STPG2: variants seen among roughly 807,000 people sequenced by gnomAD.
The protein encoded by STPG2 is sperm tail PG-rich repeat containing 2, also known as sperm-tail PG-rich repeat-containing protein 2.
A neutral mutation model predicts 54.2 loss-of-function variants in STPG2; 56 were observed. The ratio of observed to expected loss-of-function variants is 1.03; its 90% confidence interval spans 0.83 to 1.29. The LOEUF (loss-of-function observed/expected upper bound fraction) is 1.29. Among genes scored for constraint, STPG2 ranks in the 50% most tolerant of loss-of-function variants. The pLI, the probability that STPG2 is intolerant of heterozygous loss-of-function variation, is 0.00. For synonymous variants in STPG2, 200 were observed against 181.8 expected (o/e 1.10, Z -0.81); for missense variants, 596 against 544.9 (o/e 1.09, Z -0.93).
At chr4:97,933,578 A>G (rs1732630987) in intron 8 of STPG2, among the ~76,000 whole-genome samples, 2 of 152,152 alleles carry the variant, frequency 1.3e-5, no homozygotes, top group Admixed American at 1.3e-4. Flanking sequence ...AATTTTCTGT[A>G]TATGGTTGGC....
chr4:97,941,304 T>C (rs1206149015), intron 8 of STPG2, among the ~76,000 whole-genome samples: 1 of 152,116 alleles, frequency 6.6e-6, no homozygotes. Context: ...TAGGTATTTT[T>C]ATATTTATCC....
chr4:97,552,017 G>A (rs1306881240), intron 4 of STPG2, among the ~76,000 whole-genome samples: 1 of 152,064 alleles, frequency 6.6e-6, no homozygotes, highest in East Asian at 1.9e-4. Flanking sequence ...TTCAAAAAGG[G>A]TTGGAGATTG....
intron 7 of STPG2, among the ~76,000 whole-genome samples, chr4:97,961,586 C>A (rs1248810689): frequency 2.0e-5 from 3 of 151,956 alleles, no homozygotes; most frequent in Non-Finnish European, 4.4e-5. Context: ...ATACAAATAG[C>A]CAACAAACAT....
intron 8 of STPG2, among the ~76,000 whole-genome samples, chr4:97,886,089 T>C (rs984243580): frequency 3.9e-5 from 6 of 152,164 alleles, no homozygotes; most frequent in Non-Finnish European, 8.8e-5. Flanking sequence ...ATAGAATACA[T>C]ACTAATACTT....
At chr4:97,514,394 G>T (rs1731033750) in intron 4 of STPG2, among the ~76,000 whole-genome samples, 1 of 152,044 alleles carries the variant, frequency 6.6e-6, no homozygotes, top group Non-Finnish European at 1.5e-5. Context: ...ACTGAGTTGA[G>T]TATTGTCCTC....
At chr4:97,833,560 T>G (rs1292223062) in intron 9 of STPG2, among the ~76,000 whole-genome samples, 2 of 151,944 alleles carry the variant, frequency 1.3e-5, no homozygotes, top group Non-Finnish European at 2.9e-5. Context: ...ATCATCAGAG[T>G]GAACAGGCAA....
intron 6 of STPG2, among the ~76,000 whole-genome samples, chr4:97,980,771 A>G (rs549256863): frequency 1.7e-3 from 265 of 152,346 alleles, no homozygotes; most frequent in Non-Finnish European, 3.1e-3. Context: ...CACTGAGAAT[A>G]CCAGAATACA....
intron 9 of STPG2, among the ~76,000 whole-genome samples, chr4:97,735,830 A>G (rs1163461807): frequency 6.6e-6 from 1 of 152,096 alleles, no homozygotes; most frequent in Non-Finnish European, 1.5e-5. Context: ...TATAAGGAAC[A>G]CATACAACTC....
intron 10 of STPG2, among the ~76,000 whole-genome samples, chr4:97,565,845 T>TGG (rs138972348): frequency 1.3e-5 from 2 of 151,778 alleles, no homozygotes; most frequent in Non-Finnish European, 2.9e-5. Context: ...CTGCCGCTAC[T>TGG]GGGGGGTGCC....
At chr4:97,900,456 A>G (rs191793848) in intron 8 of STPG2, among the ~76,000 whole-genome samples, 107 of 152,242 alleles carry the variant, frequency 7.0e-4, no homozygotes, top group Middle Eastern at 6.8e-3. Flanking sequence ...ATTCTACCAT[A>G]AAAACAGATG....
At position 97,522,270 on chromosome 4, in the gene STPG2, C is replaced by T. The variant is rs1171335854; in HGVS notation, c.462+190429G>A. ...ATGTCAGCATTAAAACACATCTTAG[C>T]ATTGCTGGCATTATCATTAGAGTTT... On this transcript the variant is annotated intron_variant, in intron 4 of 4. Transcript: ENST00000522676. Among the ~76,000 whole-genome samples the T allele has an allele frequency of 2.0e-5, 3 of 151,974 alleles. No individual in the cohort carries two copies. In the East Asian group the frequency reaches 5.8e-4, roughly 29 times the overall value.
chr4:97,873,732 A>G (rs1172841294), intron 8 of STPG2, among the ~76,000 whole-genome samples: 2 of 151,578 alleles, frequency 1.3e-5, no homozygotes, highest in African/African-American at 4.8e-5. Context: ...AAACAAAATC[A>G]TTCTACTCCA....
intron 9 of STPG2, among the ~76,000 whole-genome samples, chr4:97,840,276 C>A (rs898239742): frequency 6.6e-6 from 1 of 151,410 alleles, no homozygotes; most frequent in Admixed American, 6.6e-5. Flanking sequence ...ACAACTTTAG[C>A]ATGTTATGAG....
chr4:97,920,699 G>T (rs1360095733), intron 8 of STPG2, among the ~76,000 whole-genome samples: 1 of 152,160 alleles, frequency 6.6e-6, no homozygotes, highest in Non-Finnish European at 1.5e-5. Context: ...ACCTGGCTGA[G>T]AGTAAAGGAA....
rs146291139 is a variant in STPG2, at chr4:97,502,837, T to C, written c.462+209862A>G. Among the ~76,000 whole-genome samples the C allele has an allele frequency of 6.1e-4, 93 of 152,100 alleles. 1 individual carries two copies. The highest frequency in any genetic ancestry group is 3.4e-3 in the Middle Eastern group (1 of 294). The stretch of plus-strand genomic sequence containing the variant: ...ATGCAGATTAAATTGAAACACACAG[T>C]TTAAAACATTTAATTAATCACTGTT... On this transcript the variant is annotated intron_variant, in intron 4 of 4. Coordinates refer to the STPG2 transcript ENST00000522676.
chr4:97,634,723 T>G (rs1257859736), intron 10 of STPG2, among the ~76,000 whole-genome samples: 1 of 151,796 alleles, frequency 6.6e-6, no homozygotes, highest in South Asian at 2.1e-4. Flanking sequence ...TGCAATCAAC[T>G]GGAAGAAAGG....
intron 9 of STPG2, among the ~76,000 whole-genome samples, chr4:97,759,963 G>A (rs564202945): frequency 7.9e-5 from 12 of 152,084 alleles, no homozygotes; most frequent in African/African-American, 2.7e-4. Flanking sequence ...GAATCAGACT[G>A]TGTCACTTCC....
At chr4:97,555,863 G>T (rs1732066269), downstream of STPG2, among the ~76,000 whole-genome samples, 1 of 152,048 alleles carries the variant, frequency 6.6e-6, no homozygotes, top group Non-Finnish European at 1.5e-5. Context: ...ATAAGCTCTT[G>T]CTCTGAGTAA....
chr4:97,871,620 A>C (rs1014048088), intron 8 of STPG2, among the ~76,000 whole-genome samples: 1 of 151,242 alleles, frequency 6.6e-6, no homozygotes, highest in African/African-American at 2.4e-5. Context: ...CACAAAGCTA[A>C]AAAATGTCAA....
Sources: gnomAD v4.1 joint callset for allele counts (sites outside exome capture counted in the v4.1 genomes callset) on GRCh38, gnomAD v4.1.1 for gene constraint, MANE v1.5 for transcripts, NCBI Gene and HGNC (gene_info 2026-07-23, HGNC 2026-07-21) for gene names.